The following RPTOR variants were observed in gnomAD, a reference collection of about 807,000 sequenced individuals.
RPTOR encodes regulatory associated protein of MTOR complex 1, also known as regulatory-associated protein of mTOR.
In RPTOR, 21 loss-of-function variants were observed where a neutral mutation model predicts 169.9. The ratio of observed to expected loss-of-function variants is 0.12; its 90% CI spans 0.09 to 0.18. The LOEUF (loss-of-function observed/expected upper bound fraction) is 0.18, where lower values mean the gene tolerates loss of function less well. Ranked by LOEUF, RPTOR falls within the 10% of genes least tolerant of loss-of-function variation. RPTOR has a pLI of 1.00. For missense variants in RPTOR, 1,133 were observed against 1,855.9 expected, an observed-to-expected ratio of 0.61 and a Z score of 7.16; for synonymous variants, 732 against 753.2, an observed-to-expected ratio of 0.97 and a Z score of 0.46.
chr17:80,626,064 A>C (rs909685419), intron 2 of RPTOR, among the ~76,000 whole-genome samples: 3 of 151,740 alleles, frequency 2.0e-5, no homozygotes, highest in Non-Finnish European at 4.4e-5. Flanking sequence ...TATTATTATT[A>C]TTTTTTTGAG....
chr17:80,768,105 G>A (rs367716386), intron 6 of RPTOR, among the ~76,000 whole-genome samples: 1 of 152,048 alleles, frequency 6.6e-6, no homozygotes, highest in East Asian at 1.9e-4. Flanking sequence ...CTCGTGATCC[G>A]CCCGCCTCGG....
In RPTOR at chr17:80,823,638, TTC is replaced by T. The variant is rs1341075862; in HGVS notation, c.1136+418_1136+419del. 4.7e-4 allele frequency: 64 copies of T among 137,522 alleles called. No homozygotes were observed. Among genetic ancestry groups the T allele is most frequent in the Non-Finnish European group, 7.1e-4 (48 of 68,062 alleles). The allele number at this position is 137,522 out of a possible 1,614,324, so 8.5% of individuals were successfully genotyped here. ...ATGATCAATTAGTTTTTATGCTTAT[TTC>T]TCACACACACACACACACACACACA... On this transcript the variant is annotated intron_variant, in intron 9 of 33. Transcript: ENST00000306801. This position sits in a 1 kb window ranked among gnomAD's most constrained non-coding sequence, Gnocchi z 4.5.
intron 3 of RPTOR, among the ~76,000 whole-genome samples, chr17:80,672,557 G>A (rs1255660913): frequency 6.6e-6 from 1 of 152,098 alleles, no homozygotes. Flanking sequence ...TTGGGAGGCC[G>A]AGGCGGGCAG....
intron 9 of RPTOR, among the ~76,000 whole-genome samples, chr17:80,831,597 G>A (rs77477748): frequency 0.04 from 6,022 of 152,270 alleles, 282 homozygotes; most frequent in East Asian, 0.22. Context: ...TCGGAATCCC[G>A]CCGAGGCTCT....
Position 80,783,493 on chromosome 17 carries a change from G to C in RPTOR, c.831-7957G>C, listed in dbSNP as rs148703511. On this transcript the variant is annotated intron_variant, in intron 6 of 33. Coordinates refer to ENST00000306801, the MANE Select transcript of RPTOR (RefSeq NM_020761.3). ...TTAATCATTTCTTTTTTAAAAAACT[G>C]ACATTTTTCTTATAACCAAATTATC... Among the ~76,000 whole-genome samples, 908 of 152,326 alleles carry C rather than the reference G, an allele frequency of 6.0e-3. 5 individuals carry two copies. Among genetic ancestry groups the C allele is most frequent in the Middle Eastern group, 0.02 (6 of 294 alleles).
intron 32 of RPTOR, 108 bp from the exon 33 acceptor site, chr17:80,962,820 C>G: frequency 5.8e-6 from 9 of 1,543,442 alleles, no homozygotes; most frequent in Non-Finnish European, 7.0e-6. Context: ...CCCGAGCCAG[C>G]CTGTCCCCGT....
At position 80,822,228 on chromosome 17, in the gene RPTOR, G is replaced by T. The variant is rs200334676; in HGVS notation, c.918G>T (p.Arg306Ser). The T allele has an allele frequency of 1.9e-6, 3 of 1,614,232 alleles. No homozygotes were observed. Among genetic ancestry groups the T allele is most frequent in the Non-Finnish European group, 2.5e-6 (3 of 1,180,028 alleles). The change falls in exon 8 of 34, where the codon AGG (arginine) becomes AGT (serine). Residue 306 changes from arginine (R) to serine (S), a missense_variant. Coordinates refer to ENST00000306801, the MANE Select transcript of RPTOR (RefSeq NM_020761.3). ...TCCCTGGCCGCCTGAACGACAGGAG[G>T]ACGCCCCTGGGTGAACTGAACTGGA... ...EKIPGRLNDR[R>S]TPLGELNWIF...
chr17:80,580,781 C>T (rs2065007207), intron 1 of RPTOR, among the ~76,000 whole-genome samples: 1 of 152,144 alleles, frequency 6.6e-6, no homozygotes, highest in South Asian at 2.1e-4. Flanking sequence ...TGCCACCATA[C>T]CCGGCTAATT....
intron 9 of RPTOR, among the ~76,000 whole-genome samples, chr17:80,824,956 A>G (rs1490972526): frequency 6.6e-6 from 1 of 152,164 alleles, no homozygotes; most frequent in African/African-American, 2.4e-5. Flanking sequence ...TGGGGCAGCC[A>G]CATCCCACCT....
chr17:80,743,208 GCTCT>G, intron 5 of RPTOR: 6 of 981,272 alleles, frequency 6.1e-6, no homozygotes, highest in Non-Finnish European at 6.1e-6. Flanking sequence ...ATTAGCCAAG[GCTCT>G]CTCTCTTATG....
intron 5 of RPTOR, among the ~76,000 whole-genome samples, chr17:80,737,328 C>CT (rs1489168556): frequency 3.3e-5 from 5 of 152,270 alleles, no homozygotes; most frequent in African/African-American, 1.2e-4. Flanking sequence ...ATGCCGAGGT[C>CT]TTTATTTCTC....
chr17:80,613,897 G>A (rs2065289850), intron 1 of RPTOR, among the ~76,000 whole-genome samples: 1 of 152,272 alleles, frequency 6.6e-6, no homozygotes, highest in African/African-American at 2.4e-5. Context: ...GCACGATGAA[G>A]CGTCTATCGC....
rs773277798 is a variant in RPTOR, at chr17:80,936,916, C to T, written c.2920-3580C>T. Among the ~76,000 whole-genome samples, 59 of 152,330 alleles carry T rather than the reference C, an allele frequency of 3.9e-4. No individual in the cohort carries two copies. The highest frequency in any genetic ancestry group is 7.5e-4 in the Non-Finnish European group (51 of 68,034). On this transcript the variant is annotated intron_variant, in intron 24 of 33. Transcript: ENST00000306801. This position sits in a 1 kb window ranked among gnomAD's most constrained non-coding sequence, Gnocchi z 4.1. ...GTAACACAAAGGCTGTGTCCTTGGA[C>T]GTAATGTACACGAGACACTGGCAGA...
intron 1 of RPTOR, among the ~76,000 whole-genome samples, chr17:80,547,133 C>T (rs1318477231): frequency 6.6e-6 from 1 of 152,134 alleles, no homozygotes; most frequent in Non-Finnish European, 1.5e-5. Flanking sequence ...AACCAGTTAG[C>T]TACTGACTTG....
chr17:80,808,501 G>A (rs1163571730), intron 7 of RPTOR, among the ~76,000 whole-genome samples: 1 of 152,184 alleles, frequency 6.6e-6, no homozygotes, highest in Non-Finnish European at 1.5e-5. Context: ...GTTTGAAAAT[G>A]CCATCATTTC....
intron 3 of RPTOR, among the ~76,000 whole-genome samples, chr17:80,676,427 C>G (rs377534039): frequency 6.6e-6 from 1 of 152,172 alleles, no homozygotes; most frequent in Non-Finnish European, 1.5e-5. Flanking sequence ...TCTTCTGTTC[C>G]GGGGTAGCCA....
At chr17:80,753,372 C>A (rs529794779) in intron 5 of RPTOR, among the ~76,000 whole-genome samples, 1 of 121,578 alleles carries the variant, frequency 8.2e-6, no homozygotes, top group African/African-American at 2.7e-5. Context: ...CGGTGGCTCA[C>A]GCCTGTAATC....
At chr17:80,629,621 T>C (rs1408365813) in intron 2 of RPTOR, among the ~76,000 whole-genome samples, 42 of 120,922 alleles carry the variant, frequency 3.5e-4, no homozygotes, top group Middle Eastern at 6.1e-3. Flanking sequence ...ATGTATTGCG[T>C]TGTTGGACAT....
At chr17:80,921,725 C>T (rs1234472321) in intron 21 of RPTOR, among the ~76,000 whole-genome samples, 5 of 152,212 alleles carry the variant, frequency 3.3e-5, no homozygotes, top group Admixed American at 6.5e-5. Context: ...CATCCACAGA[C>T]GGCTGGGTTG....
Sources: gnomAD v4.1 joint callset for allele counts (sites outside exome capture counted in the v4.1 genomes callset) on GRCh38, gnomAD v4.1.1 for gene constraint, Gnocchi (gnomAD v3.1) non-coding constraint, MANE v1.5 for transcripts, NCBI Gene and HGNC (gene_info 2026-07-23, HGNC 2026-07-21) for gene names.